The following SNX31 variants were observed in gnomAD, a reference collection of about 807,000 sequenced individuals.
SNX31 encodes sorting nexin 31, also known as sorting nexin-31.
A neutral mutation model predicts 65.4 loss-of-function variants in SNX31; 58 were observed. The observed-to-expected ratio is 0.89, with a 90% CI of 0.72 to 1.10. The LOEUF (loss-of-function observed/expected upper bound fraction) is 1.10. Ranked by LOEUF, SNX31 falls within the 50% of genes least tolerant of loss-of-function variation. The pLI, the probability that SNX31 is intolerant of heterozygous loss-of-function variation, is 0.00. For missense variants in SNX31, 523 were observed against 529.7 expected (o/e 0.99, Z 0.12); for synonymous variants, 181 against 190.1 (o/e 0.95, Z 0.39).
upstream of SNX31, among the ~76,000 whole-genome samples, chr8:100,654,570 G>A (rs905666574): frequency 2.0e-5 from 3 of 152,324 alleles, no homozygotes; most frequent in East Asian, 5.8e-4. Context: ...ACCACTCTAT[G>A]GAAATGAAAC....
chr8:100,597,733 CTT>C (rs1236707399), intron 9 of SNX31, among the ~76,000 whole-genome samples: 1 of 152,184 alleles, frequency 6.6e-6, no homozygotes, highest in Non-Finnish European at 1.5e-5. Context: ...CCAGGGAAGA[CTT>C]TTAAAATTTA....
At chr8:100,634,829 G>T (rs1818643850) in intron 3 of SNX31, among the ~76,000 whole-genome samples, 1 of 151,956 alleles carries the variant, frequency 6.6e-6, no homozygotes, top group Non-Finnish European at 1.5e-5. Flanking sequence ...GCTGACATGG[G>T]AGGATTGCTT....
At chr8:100,595,794 G>A (rs1435789951) in intron 10 of SNX31, among the ~76,000 whole-genome samples, 1 of 152,198 alleles carries the variant, frequency 6.6e-6, no homozygotes, top group African/African-American at 2.4e-5. Context: ...AAGGCATCCA[G>A]AGGTAGAAAA....
In SNX31 at chr8:100,612,138, T is replaced by C. The variant is rs756254028; in HGVS notation, c.524-51A>G. On this transcript the variant is annotated intron_variant, in intron 6 of 13. Transcript: ENST00000311812. This position sits in a 1 kb window ranked among gnomAD's most constrained non-coding sequence, Gnocchi z 4.3. ...ACTGGTTGAAACAGCACAGACAGCT[T>C]ATATATAGCAGCTTTCAAATGAGAA... 13 of 1,142,222 alleles carry C rather than the reference T, an allele frequency of 1.1e-5. No homozygotes were observed. Among genetic ancestry groups the C allele is most frequent in the Non-Finnish European group, 1.6e-5 (12 of 762,920 alleles). 70.8% of individuals were successfully genotyped at this position (1,142,222 alleles called of 1,614,324 possible). A position where few individuals can be genotyped will look rare whatever the true frequency, so the allele number is the denominator to read the frequency against.
rs1818301185 is a variant in SNX31, at chr8:100,629,877, GTAGAGAA to G, written c.321+443_321+449del. 1.3e-5 allele frequency among the ~76,000 whole-genome samples: 2 copies of G among 152,234 alleles called. No individual in the cohort carries two copies. The highest frequency in any genetic ancestry group is 4.8e-5 in the African/African-American group (2 of 41,460). On this transcript the variant is annotated intron_variant, in intron 4 of 13. Transcript: ENST00000311812. The surrounding 1 kb of genome is among the most constrained non-coding windows in gnomAD (Gnocchi z 5.1). Reference sequence around the variant, plus strand: ...TGATTCATTTACAATAAAGGTAGGAGTAGAGAATATACAAGGAATAGCCAGCATGGCC... The same window carrying G: ...TGATTCATTTACAATAAAGGTAGGAGTATACAAGGAATAGCCAGCATGGCC...
At chr8:100,644,548 C>T (rs1819495032) in intron 2 of SNX31, among the ~76,000 whole-genome samples, 1 of 152,214 alleles carries the variant, frequency 6.6e-6, no homozygotes, top group Non-Finnish European at 1.5e-5. Flanking sequence ...CAAAAAGCTG[C>T]CAGAGCCCGA....
Position 100,588,786 on chromosome 8 carries a change from G to T in SNX31, c.1092+80C>A. 1 of 998,814 alleles carries T rather than the reference G, an allele frequency of 1.0e-6. No homozygotes were observed. Among genetic ancestry groups the T allele is most frequent in the Non-Finnish European group, 1.6e-6 (1 of 633,240 alleles). 61.9% of individuals were successfully genotyped at this position (998,814 alleles called of 1,614,324 possible). A position where few individuals can be genotyped will look rare whatever the true frequency, so the allele number is the denominator to read the frequency against. On this transcript the variant is annotated intron_variant, in intron 11 of 13. Coordinates refer to ENST00000311812, the MANE Select transcript of SNX31 (RefSeq NM_152628.4). This position sits in a 1 kb window ranked among gnomAD's most constrained non-coding sequence, Gnocchi z 4.8. ...TAGGGTCCTGCTCTAGTTGGGTTAG[G>T]GTCATGTGCTTCATCCACCCCAGCA...
rs1403018656 is a variant in SNX31 at position 100,625,262 on chromosome 8, T to A, written c.321+5065A>T. Among the ~76,000 whole-genome samples the A allele has an allele frequency of 1.3e-5, 2 of 152,158 alleles. No homozygotes were observed. The highest frequency in any genetic ancestry group is 2.9e-5 in the Non-Finnish European group (2 of 68,028). The stretch of plus-strand genomic sequence containing the variant: ...TTTAAAATACGTGCTTTGTTGCTAT[T>A]CTGCTCTGAGGCAGAGGAACATTCT... On this transcript the variant is annotated intron_variant, in intron 4 of 13. Coordinates refer to ENST00000311812, the MANE Select transcript of SNX31 (RefSeq NM_152628.4). This position sits in a 1 kb window ranked among gnomAD's most constrained non-coding sequence, Gnocchi z 4.2.
intron 3 of SNX31, among the ~76,000 whole-genome samples, chr8:100,631,680 C>T (rs776109993): frequency 1.6e-4 from 25 of 152,146 alleles, no homozygotes; most frequent in Non-Finnish European, 3.4e-4. Context: ...GTGCCTTTCC[C>T]AAAAGACATC....
rs1816514058 is a variant in SNX31 at position 100,609,522 on chromosome 8, G to T, written c.612-959C>A. Among the ~76,000 whole-genome samples, 2 of 152,158 alleles carry T rather than the reference G, an allele frequency of 1.3e-5. No individual in the cohort carries two copies. The highest frequency in any genetic ancestry group is 6.5e-5 in the Admixed American group (1 of 15,268). ...TGCCTGTCAGATCCAGAATCACGAGGAACTGAAATTAATGACTGTAGAAGC... is the reference window on the plus strand; with the variant it reads ...TGCCTGTCAGATCCAGAATCACGAGTAACTGAAATTAATGACTGTAGAAGC... On this transcript the variant is annotated intron_variant, in intron 7 of 13. Transcript: ENST00000311812. The surrounding 1 kb of genome is among the most constrained non-coding windows in gnomAD (Gnocchi z 4.9).
rs560595850 is a variant in SNX31 at position 100,632,182 on chromosome 8, C to T, written c.257-1791G>A. 2.6e-5 allele frequency among the ~76,000 whole-genome samples: 4 copies of T among 152,122 alleles called. No individual in the cohort carries two copies. The South Asian group carries it at 8.3e-4, about 32-fold the overall frequency. ...TCTTCCTACTGGACCTTGTCAAAGA[C>T]GGTACACAGGTCATCCTGATAATAT... is the stretch of plus-strand genomic sequence containing the variant. On this transcript the variant is annotated intron_variant, in intron 3 of 13. Coordinates refer to ENST00000311812, the MANE Select transcript of SNX31 (RefSeq NM_152628.4).
In SNX31 at chr8:100,594,284, A is replaced by AC. The variant is rs1464784455; in HGVS notation, c.978+2354dup. 5.9e-5 allele frequency among the ~76,000 whole-genome samples: 9 copies of AC among 152,172 alleles called. No individual in the cohort carries two copies. Among genetic ancestry groups the AC allele is most frequent in the Non-Finnish European group, 8.8e-5 (6 of 68,020 alleles). ...GCACCACTGCACTCCAGCCTGGGCG[A>AC]CAGAGCAAGACTCTGTCTCAAAACA... On this transcript the variant is annotated intron_variant, in intron 10 of 13. Coordinates refer to ENST00000311812, the MANE Select transcript of SNX31 (RefSeq NM_152628.4). The surrounding 1 kb of genome is among the most constrained non-coding windows in gnomAD (Gnocchi z 4.0).
At chr8:100,607,676 G>A (rs1022539999) in intron 8 of SNX31, among the ~76,000 whole-genome samples, 12 of 152,212 alleles carry the variant, frequency 7.9e-5, no homozygotes, top group East Asian at 5.8e-4. Context: ...TGTTTGTAAC[G>A]TAAAGGATAA....
rs1273824362 is a variant in SNX31 at position 100,614,194 on chromosome 8, T to C, written c.433-1109A>G. Among the ~76,000 whole-genome samples, 2 of 152,212 alleles carry C rather than the reference T, an allele frequency of 1.3e-5. No homozygotes were observed. The highest frequency in any genetic ancestry group is 2.4e-5 in the African/African-American group (1 of 41,452). On this transcript the variant is annotated intron_variant, in intron 5 of 13. Coordinates refer to ENST00000311812, the MANE Select transcript of SNX31 (RefSeq NM_152628.4). The surrounding 1 kb of genome is among the most constrained non-coding windows in gnomAD (Gnocchi z 5.1). ...TCTTTCTGTCTCTCTCTTTCCCCCA[T>C]GTTTTGGGCTGCAAAACACCCAAAA...
intron 4 of SNX31, among the ~76,000 whole-genome samples, chr8:100,620,889 C>A (rs978990262): frequency 6.6e-6 from 1 of 151,968 alleles, no homozygotes; most frequent in Non-Finnish European, 1.5e-5. Flanking sequence ...CACCTGAGGT[C>A]GGCAGATCAC....
At chr8:100,595,948 G>C (rs1563527698) in intron 10 of SNX31, among the ~76,000 whole-genome samples, 1 of 152,164 alleles carries the variant, frequency 6.6e-6, no homozygotes, top group Non-Finnish European at 1.5e-5. Flanking sequence ...AAAGGAGAGA[G>C]ATCTTTGAGA....
At position 100,630,446 on chromosome 8, in the gene SNX31, A is replaced by G; in HGVS notation, c.257-55T>C. On this transcript the variant is annotated intron_variant, in intron 3 of 13. Coordinates refer to ENST00000311812, the MANE Select transcript of SNX31 (RefSeq NM_152628.4). The surrounding 1 kb of genome is among the most constrained non-coding windows in gnomAD (Gnocchi z 5.3). ...GCATGGGCTGGGCTGGGCCCTGCCT[A>G]TTAATTGCTATGTCCTCCAGAGATC... is the stretch of plus-strand genomic sequence containing the variant. 6.9e-7 allele frequency: 1 copy of G among 1,455,020 alleles called. No individual in the cohort carries two copies. The highest frequency in any genetic ancestry group is 9.5e-7 in the Non-Finnish European group (1 of 1,053,454). 90.1% of individuals were successfully genotyped at this position (1,455,020 alleles called of 1,614,324 possible).
chr8:100,593,080 TAA>T (rs1191172957), intron 10 of SNX31, among the ~76,000 whole-genome samples: 2 of 152,182 alleles, frequency 1.3e-5, no homozygotes, highest in African/African-American at 4.8e-5. Context: ...TTTCAGGTGA[TAA>T]AGTGTTCTAA....
At chr8:100,663,247 C>CA (rs746413440) in exon 1 of SNX31, 11 of 148,952 alleles carry the variant, frequency 7.4e-5, no homozygotes, top group Non-Finnish European at 1.5e-4. Flanking sequence ...ATACCCCCCC[C>CA]AATCCAAAAT....
Sources: gnomAD v4.1 joint callset for allele counts (sites outside exome capture counted in the v4.1 genomes callset) on GRCh38, gnomAD v4.1.1 for gene constraint, Gnocchi (gnomAD v3.1) non-coding constraint, MANE v1.5 for transcripts, NCBI Gene and HGNC (gene_info 2026-07-23, HGNC 2026-07-21) for gene names.